Variants in CDH23 observed in about 807,000 individuals in gnomAD.
CDH23 encodes cadherin-23.
CDH23 carries 189 observed loss-of-function variants against 317.1 expected under a neutral mutation model. That is an observed-to-expected ratio of 0.60 (90% confidence interval 0.53 to 0.67). The LOEUF is 0.67. Ranked by LOEUF, CDH23 falls within the 30% of genes least tolerant of loss-of-function variation. The pLI is 0.00. For missense variants in CDH23, 4,401 were observed against 4,592.4 expected (o/e 0.96, Z 1.20); for synonymous variants, 1,839 against 1,876.8 (o/e 0.98, Z 0.52).
chr10:71,639,160 G>A (rs965120614), intron 11 of CDH23, among the ~76,000 whole-genome samples: 12 of 152,216 alleles, frequency 7.9e-5, no homozygotes, highest in Admixed American at 2.0e-4. Context: ...CGCGGTGGGC[G>A]CTATCAGCCT....
chr10:71,426,497 G>A (rs868150397), intron 1 of CDH23, among the ~76,000 whole-genome samples: 2 of 152,170 alleles, frequency 1.3e-5, no homozygotes, highest in Non-Finnish European at 2.9e-5. Context: ...TGGACTTCAG[G>A]TGAGGCAGGA....
chr10:71,438,041 T>A (rs1225508850), intron 1 of CDH23, among the ~76,000 whole-genome samples: 2 of 152,124 alleles, frequency 1.3e-5, no homozygotes, highest in Non-Finnish European at 2.9e-5. Flanking sequence ...CAAATACATC[T>A]TAGAATCTTT....
intron 11 of CDH23, among the ~76,000 whole-genome samples, chr10:71,622,557 T>C (rs1277867146): frequency 6.6e-6 from 1 of 152,172 alleles, no homozygotes; most frequent in Non-Finnish European, 1.5e-5. Flanking sequence ...TCCACACCTC[T>C]GGGTGCCTTA....
chr10:71,469,612 C>G (rs199708048), intron 3 of CDH23, among the ~76,000 whole-genome samples: 1 of 149,080 alleles, frequency 6.7e-6, no homozygotes, highest in Non-Finnish European at 1.5e-5. Context: ...GTGTCCCCCC[C>G]TTGTTTTTTT....
intron 1 of CDH23, among the ~76,000 whole-genome samples, chr10:71,400,910 G>T (rs1847750566): frequency 6.6e-6 from 1 of 152,160 alleles, no homozygotes; most frequent in South Asian, 2.1e-4. Context: ...TGTAAAAATT[G>T]ACCTAATTTC....
At chr10:71,432,574 T>C (rs1849446082) in intron 1 of CDH23, among the ~76,000 whole-genome samples, 1 of 152,118 alleles carries the variant, frequency 6.6e-6, no homozygotes, top group Non-Finnish European at 1.5e-5. Flanking sequence ...ACAAGTTTTC[T>C]TTCACACTGT....
At chr10:71,778,333 A>G (rs747588283) in intron 40 of CDH23, 25 bp downstream of exon 40, 1 of 1,613,412 alleles carries the variant, frequency 6.2e-7, no homozygotes. Flanking sequence ...CACAGCCCCA[A>G]CTTGGGCTTG....
At chr10:71,723,411 C>T (rs1279002566) in intron 28 of CDH23, among the ~76,000 whole-genome samples, 2 of 152,170 alleles carry the variant, frequency 1.3e-5, no homozygotes, top group Admixed American at 1.3e-4. Flanking sequence ...CAACGTCCCC[C>T]CCCACACACA....
chr10:71,737,133 C>A (rs1481303820), intron 34 of CDH23, among the ~76,000 whole-genome samples: 1 of 152,118 alleles, frequency 6.6e-6, no homozygotes, highest in Non-Finnish European at 1.5e-5. Flanking sequence ...TTGTTTTTCC[C>A]ATTTCAAATG....
At chr10:71,551,737 G>T (rs1489603763) in intron 6 of CDH23, among the ~76,000 whole-genome samples, 3 of 152,116 alleles carry the variant, frequency 2.0e-5, no homozygotes, top group Non-Finnish European at 4.4e-5. Context: ...GGACCCTCAG[G>T]ACCTCTAGCT....
At chr10:71,621,384 C>G (rs528513695) in intron 11 of CDH23, among the ~76,000 whole-genome samples, 1 of 152,188 alleles carries the variant, frequency 6.6e-6, no homozygotes, top group African/African-American at 2.4e-5. Context: ...GTGTGAGGAT[C>G]CCACTAAATC....
At chr10:71,484,424 C>T (rs1216197207) in intron 3 of CDH23, among the ~76,000 whole-genome samples, 1 of 152,158 alleles carries the variant, frequency 6.6e-6, no homozygotes, top group South Asian at 2.1e-4. Context: ...CAGAGAGGGG[C>T]CGCAGGATCA....
chr10:71,580,461 C>A (rs975162533), intron 9 of CDH23, among the ~76,000 whole-genome samples: 4 of 152,334 alleles, frequency 2.6e-5, no homozygotes, highest in Non-Finnish European at 5.9e-5. Context: ...ACTGCCAGCA[C>A]AGATGTGTCT....
chr10:71,741,211 C>G (rs774734529), intron 37 of CDH23, among the ~76,000 whole-genome samples: 3 of 152,148 alleles, frequency 2.0e-5, no homozygotes, highest in African/African-American at 7.2e-5. Context: ...AGGTTTACCC[C>G]GGGAGCTTGC....
intron 19 of CDH23, among the ~76,000 whole-genome samples, chr10:71,688,677 G>C (rs1284865794): frequency 7.9e-6 from 1 of 126,430 alleles, no homozygotes; most frequent in African/African-American, 3.0e-5. Flanking sequence ...GGAGTCAGGG[G>C]TGGTGGAGCC....
At chr10:71,493,495 G>C (rs1008041046) in intron 3 of CDH23, among the ~76,000 whole-genome samples, 4 of 152,170 alleles carry the variant, frequency 2.6e-5, no homozygotes, top group Non-Finnish European at 5.9e-5. Context: ...AGACATGCCT[G>C]AGGTAAGAAC....
At chr10:71,474,870 G>A (rs1398214847) in intron 3 of CDH23, among the ~76,000 whole-genome samples, 1 of 152,240 alleles carries the variant, frequency 6.6e-6, no homozygotes, top group Non-Finnish European at 1.5e-5. Flanking sequence ...TTGAATGAAT[G>A]AATAAACCTG....
At chr10:71,643,422 G>T (rs1010603057) in intron 11 of CDH23, among the ~76,000 whole-genome samples, 1 of 152,174 alleles carries the variant, frequency 6.6e-6, no homozygotes, top group African/African-American at 2.4e-5. Context: ...AAAACATGGG[G>T]GTGTTTGGGG....
chr10:71,426,859 C>G (rs979325679), intron 1 of CDH23, among the ~76,000 whole-genome samples: 1 of 151,952 alleles, frequency 6.6e-6, no homozygotes, highest in Non-Finnish European at 1.5e-5. Flanking sequence ...CACAAAGATA[C>G]CTTTAGCTGG....
Sources: gnomAD v4.1 joint callset for allele counts (sites outside exome capture counted in the v4.1 genomes callset) on GRCh38, gnomAD v4.1.1 for gene constraint, MANE v1.5 for transcripts, NCBI Gene and HGNC (gene_info 2026-07-23, HGNC 2026-07-21) for gene names.